PHACTR2: variants seen among roughly 807,000 people sequenced by gnomAD.
PHACTR2 encodes phosphatase and actin regulator 2.
A neutral mutation model predicts 76.0 loss-of-function variants in PHACTR2; 30 were observed. That is an observed-to-expected ratio of 0.39 (90% CI 0.30 to 0.54). The LOEUF (loss-of-function observed/expected upper bound fraction) is 0.54, where lower values mean the gene tolerates loss of function less well. Among genes scored for constraint, PHACTR2 ranks in the 20% least tolerant of loss-of-function variants. PHACTR2 has a pLI of 0.61. For missense variants in PHACTR2, 696 were observed against 781.1 expected (o/e 0.89, Z 1.30); for synonymous variants, 292 against 292.5 (o/e 1.00, Z 0.02).
chr6:143,729,989 T>A (rs1249317898), intron 2 of PHACTR2, among the ~76,000 whole-genome samples: 2 of 152,170 alleles, frequency 1.3e-5, no homozygotes, highest in African/African-American at 4.8e-5. Flanking sequence ...ATATATGTGG[T>A]CTATTTCTGG....
In PHACTR2 at chr6:143,753,480, C is replaced by T. The variant is rs934533534; in HGVS notation, c.296-274C>T. Among the ~76,000 whole-genome samples, 8 of 152,108 alleles carry T rather than the reference C, an allele frequency of 5.3e-5. No homozygotes were observed. Among genetic ancestry groups the T allele is most frequent in the Admixed American group, 2.0e-4 (3 of 15,266 alleles). ...CTTCAGACAAACCTAAGCACATGAACGAGGGACTCTGCTGCCCTGGGATAT... is the reference window on the plus strand; with the variant it reads ...CTTCAGACAAACCTAAGCACATGAATGAGGGACTCTGCTGCCCTGGGATAT... On this transcript the variant is annotated intron_variant, in intron 3 of 12. Coordinates refer to ENST00000440869, the MANE Select transcript of PHACTR2 (RefSeq NM_001100164.2). This position sits in a 1 kb window ranked among gnomAD's most constrained non-coding sequence, Gnocchi z 4.6.
Position 143,562,146 on chromosome 6 carries a change from C to G in PHACTR2, c.217+24939C>G, listed in dbSNP as rs1775287910. 6.6e-6 allele frequency: 1 copy of G among 152,242 alleles called. No individual in the cohort carries two copies. Among genetic ancestry groups the G allele is most frequent in the South Asian group, 2.1e-4 (1 of 4,832 alleles). 9.4% of individuals were successfully genotyped at this position (152,242 alleles called of 1,614,324 possible). ...CCTCGTAGCCTTGTCACAGTGCTCT[C>G]TGTTGTGTTGGAATAATCTGTTTAC... On this transcript the variant is annotated intron_variant, in intron 1 of 11. Transcript: ENST00000367584. This position sits in a 1 kb window ranked among gnomAD's most constrained non-coding sequence, Gnocchi z 5.1.
chr6:143,744,429 A>G (rs978223610), intron 2 of PHACTR2, among the ~76,000 whole-genome samples: 2 of 152,224 alleles, frequency 1.3e-5, no homozygotes, highest in African/African-American at 2.4e-5. Flanking sequence ...TTGGTTCTCA[A>G]TGAGATTATA....
At chr6:143,637,673 A>G (rs1582724141) in intron 1 of PHACTR2, among the ~76,000 whole-genome samples, 1 of 152,310 alleles carries the variant, frequency 6.6e-6, no homozygotes, top group African/African-American at 2.4e-5. Context: ...GGGAAAAGGG[A>G]CTGGTCCCAT....
chr6:143,793,674 A>C lies in PHACTR2; in HGVS notation c.1845+4764A>C, dbSNP rs564314575. ...GTAATCCTAGCACTTTGGGAGGCCAAGGTTTCTTGAGCTCAAGATTTCTTG... is the reference window on the plus strand; with the variant it reads ...GTAATCCTAGCACTTTGGGAGGCCACGGTTTCTTGAGCTCAAGATTTCTTG... On this transcript the variant is annotated intron_variant, in intron 11 of 12. Coordinates refer to ENST00000440869, the MANE Select transcript of PHACTR2 (RefSeq NM_001100164.2). This position sits in a 1 kb window ranked among gnomAD's most constrained non-coding sequence, Gnocchi z 4.4. Among the ~76,000 whole-genome samples the C allele has an allele frequency of 6.6e-6, 1 of 152,198 alleles. No homozygotes were observed. The highest frequency in any genetic ancestry group is 1.5e-5 in the Non-Finnish European group (1 of 68,012).
Position 143,754,438 on chromosome 6 carries a change from G to A in PHACTR2, c.454+526G>A, listed in dbSNP as rs1779254796. 6.6e-6 allele frequency among the ~76,000 whole-genome samples: 1 copy of A among 152,208 alleles called. No homozygotes were observed. Among genetic ancestry groups the A allele is most frequent in the African/African-American group, 2.4e-5 (1 of 41,458 alleles). Reference sequence around the variant, plus strand: ...GAGAGACCCAGGAATAGCTCCCAGAGATGCCACGGACTGTGGTTGCTCTGC... The same window carrying A: ...GAGAGACCCAGGAATAGCTCCCAGAAATGCCACGGACTGTGGTTGCTCTGC... On this transcript the variant is annotated intron_variant, in intron 4 of 12. Coordinates refer to ENST00000440869, the MANE Select transcript of PHACTR2 (RefSeq NM_001100164.2). The surrounding 1 kb of genome is among the most constrained non-coding windows in gnomAD (Gnocchi z 6.2).
At chr6:143,607,332 G>T (rs1467311861), upstream of PHACTR2, among the ~76,000 whole-genome samples, 5 of 152,184 alleles carry the variant, frequency 3.3e-5, no homozygotes, top group Non-Finnish European at 4.4e-5. Flanking sequence ...ACGAGGCCTG[G>T]CACCTGATTT....
In PHACTR2 at chr6:143,684,448, A is replaced by G. The variant is rs868024737; in HGVS notation, c.46+6239A>G. ...AGTCCATGCTCTTCTGTCTGTCCCTACTGCCACTATCCAAGCTCTGAGGCC... is the reference window on the plus strand; with the variant it reads ...AGTCCATGCTCTTCTGTCTGTCCCTGCTGCCACTATCCAAGCTCTGAGGCC... On this transcript the variant is annotated intron_variant, in intron 1 of 12. Transcript: ENST00000440869. This position sits in a 1 kb window ranked among gnomAD's most constrained non-coding sequence, Gnocchi z 4.3. Among the ~76,000 whole-genome samples, 10 of 152,042 alleles carry G rather than the reference A, an allele frequency of 6.6e-5. No individual in the cohort carries two copies. The highest frequency in any genetic ancestry group is 2.4e-4 in the African/African-American group (10 of 41,398).
chr6:143,762,233 T>C (rs1394080323), intron 5 of PHACTR2, among the ~76,000 whole-genome samples: 1 of 152,234 alleles, frequency 6.6e-6, no homozygotes, highest in Non-Finnish European at 1.5e-5. Flanking sequence ...ACTTCTCCAC[T>C]TTCCCATTCT....
chr6:143,789,341 C>T lies in PHACTR2; in HGVS notation c.1845+431C>T, dbSNP rs183676512. ...GGCCATACAATCTTTGTTGCAACTG[C>T]CCAGTTCTGCCATTGTAGCATGAAA... is the stretch of plus-strand genomic sequence containing the variant. On this transcript the variant is annotated intron_variant, in intron 11 of 12. Coordinates refer to ENST00000440869, the MANE Select transcript of PHACTR2 (RefSeq NM_001100164.2). The surrounding 1 kb of genome is among the most constrained non-coding windows in gnomAD (Gnocchi z 5.1). 1 of 156,772 alleles carries T rather than the reference C, an allele frequency of 6.4e-6. No individual in the cohort carries two copies. The highest frequency in any genetic ancestry group is 2.4e-5 in the African/African-American group (1 of 41,714). 9.7% of individuals were successfully genotyped at this position (156,772 alleles called of 1,614,324 possible). A position where few individuals can be genotyped will look rare whatever the true frequency, so the allele number is the denominator to read the frequency against.
chr6:143,568,046 A>G (rs565584317), intron 1 of PHACTR2, among the ~76,000 whole-genome samples: 1 of 152,334 alleles, frequency 6.6e-6, no homozygotes, highest in South Asian at 2.1e-4. Flanking sequence ...TAAATTCACC[A>G]TGATATTATA....
chr6:143,588,051 A>AATAAAATAAAATAAAATAAC (rs1775648813), intron 1 of PHACTR2, among the ~76,000 whole-genome samples: 1 of 151,454 alleles, frequency 6.6e-6, no homozygotes, highest in African/African-American at 2.4e-5. Flanking sequence ...AATAAAATAA[A>AATAAAATAAAATAAAATAAC]ATACTAGTCT....
At chr6:143,814,937 A>G (rs1194540349) in intron 12 of PHACTR2, among the ~76,000 whole-genome samples, 1 of 152,112 alleles carries the variant, frequency 6.6e-6, no homozygotes. Flanking sequence ...ATCTCATTCT[A>G]TACTTTCTTG....
chr6:143,734,250 C>G (rs1778769273), intron 2 of PHACTR2, among the ~76,000 whole-genome samples: 1 of 152,198 alleles, frequency 6.6e-6, no homozygotes, highest in Non-Finnish European at 1.5e-5. Context: ...TTTAGAATAG[C>G]CCAGCTGCAC....
In PHACTR2 at chr6:143,784,770, C is replaced by T. The variant is rs1212707442; in HGVS notation, c.1707+1490C>T. Among the ~76,000 whole-genome samples, 1 of 152,140 alleles carries T rather than the reference C, an allele frequency of 6.6e-6. No individual in the cohort carries two copies. Among genetic ancestry groups the T allele is most frequent in the Non-Finnish European group, 1.5e-5 (1 of 68,022 alleles). On this transcript the variant is annotated intron_variant, in intron 10 of 12. Transcript: ENST00000440869. The surrounding 1 kb of genome is among the most constrained non-coding windows in gnomAD (Gnocchi z 4.5). ...TCATGGCAGGAGGCAAAAGGCTCTT[C>T]TAACATGGTGGCGGCAAAAGAAAAT...
intron 1 of PHACTR2, among the ~76,000 whole-genome samples, chr6:143,626,418 T>A (rs1776258495): frequency 6.6e-6 from 1 of 151,534 alleles, no homozygotes; most frequent in East Asian, 1.9e-4. Flanking sequence ...GCGCCTTTAG[T>A]CCCAGGTACT....
chr6:143,654,974 A>G lies in PHACTR2; in HGVS notation c.13+46652A>G, dbSNP rs1468849677. On this transcript the variant is annotated intron_variant, in intron 1 of 11. Coordinates refer to the PHACTR2 transcript ENST00000305766. This position sits in a 1 kb window ranked among gnomAD's most constrained non-coding sequence, Gnocchi z 4.6. ...GGAGTTCAAGACCAGCCTGGCCAAC[A>G]TGGAGAAACCCCATCTCTACTAAAA... 6.6e-6 allele frequency among the ~76,000 whole-genome samples: 1 copy of G among 152,130 alleles called. No homozygotes were observed. The highest frequency in any genetic ancestry group is 6.5e-5 in the Admixed American group (1 of 15,280).
chr6:143,769,176 T>C (rs1372830327), intron 6 of PHACTR2, among the ~76,000 whole-genome samples: 2 of 152,158 alleles, frequency 1.3e-5, no homozygotes, highest in African/African-American at 4.8e-5. Context: ...TATGGCAGGG[T>C]ACTAATTATT....
rs537223047 is a variant in PHACTR2 at position 143,805,052 on chromosome 6, A to G, written c.1846-2005A>G. Among the ~76,000 whole-genome samples, 7 of 152,362 alleles carry G rather than the reference A, an allele frequency of 4.6e-5. No individual in the cohort carries two copies. In the East Asian group the frequency reaches 1.2e-3, roughly 25 times the overall value. The stretch of plus-strand genomic sequence containing the variant: ...TAAGGGTCACACTGCTAATGAGGGC[A>G]TAGCCAAGACTAGAATCCCTGCCTT... On this transcript the variant is annotated intron_variant, in intron 11 of 12. Coordinates refer to ENST00000440869, the MANE Select transcript of PHACTR2 (RefSeq NM_001100164.2).
Sources: gnomAD v4.1 joint callset for allele counts (sites outside exome capture counted in the v4.1 genomes callset) on GRCh38, gnomAD v4.1.1 for gene constraint, Gnocchi (gnomAD v3.1) non-coding constraint, MANE v1.5 for transcripts, NCBI Gene and HGNC (gene_info 2026-07-23, HGNC 2026-07-21) for gene names.